Variants in TSHZ3 observed in about 807,000 individuals in gnomAD.
The protein encoded by TSHZ3 is teashirt homolog 3.
In TSHZ3, 10 loss-of-function variants were observed where a neutral mutation model predicts 64.5. That is an observed-to-expected ratio of 0.16 (90% CI 0.10 to 0.26). TSHZ3 has a LOEUF of 0.26. Ranked by LOEUF, TSHZ3 falls within the 10% of genes least tolerant of loss-of-function variation. The pLI, the probability that TSHZ3 is intolerant of heterozygous loss-of-function variation, is 1.00. For missense variants in TSHZ3, 1,242 were observed against 1,421.7 expected, an observed-to-expected ratio of 0.87 and a Z score of 2.03; for synonymous variants, 608 against 593.1, an observed-to-expected ratio of 1.03 and a Z score of -0.36.
At chr19:31,263,463 G>A (rs1166674378) in intron 1 of TSHZ3, among the ~76,000 whole-genome samples, 1 of 152,184 alleles carries the variant, frequency 6.6e-6, no homozygotes, top group African/African-American at 2.4e-5. Context: ...CAGCGAGCAC[G>A]AGGAGCTGCG....
intron 5 of TSHZ3, among the ~76,000 whole-genome samples, chr19:31,165,287 T>C (rs1464521006): frequency 2.6e-5 from 4 of 152,230 alleles, no homozygotes; most frequent in Non-Finnish European, 5.9e-5. Context: ...TGGCCTGAAC[T>C]TCAGGTGACC....
chr19:31,199,125 G>A (rs1419531839), intron 5 of TSHZ3, among the ~76,000 whole-genome samples: 1 of 152,076 alleles, frequency 6.6e-6, no homozygotes, highest in Admixed American at 6.6e-5. Flanking sequence ...TATAGTCAGG[G>A]CCACGCACGG....
chr19:31,302,391 A>G (rs1976770735), intron 1 of TSHZ3, among the ~76,000 whole-genome samples: 2 of 152,216 alleles, frequency 1.3e-5, no homozygotes, highest in South Asian at 4.1e-4. Context: ...TAAGAAATGC[A>G]CCATACATGC....
intron 1 of TSHZ3, among the ~76,000 whole-genome samples, chr19:31,261,235 A>G (rs1975979981): frequency 6.6e-6 from 1 of 152,220 alleles, no homozygotes; most frequent in Non-Finnish European, 1.5e-5. Context: ...GCCCTCTGCC[A>G]GCCACTGAAC....
At chr19:31,207,242 C>T (rs564915384) in intron 4 of TSHZ3, among the ~76,000 whole-genome samples, 1 of 152,284 alleles carries the variant, frequency 6.6e-6, no homozygotes, top group East Asian at 1.9e-4. Flanking sequence ...CTTTACAATG[C>T]TGATTAAAAT....
chr19:31,326,387 C>T (rs756675852), intron 1 of TSHZ3, among the ~76,000 whole-genome samples: 2 of 152,214 alleles, frequency 1.3e-5, no homozygotes, highest in Non-Finnish European at 1.5e-5. Context: ...TAAAGAATGA[C>T]AATGCATCCA....
At chr19:31,311,318 C>T (rs1916453233) in intron 1 of TSHZ3, among the ~76,000 whole-genome samples, 1 of 152,194 alleles carries the variant, frequency 6.6e-6, no homozygotes, top group Non-Finnish European at 1.5e-5. Context: ...CACTCACCCC[C>T]AACAAATCCT....
intron 1 of TSHZ3, among the ~76,000 whole-genome samples, chr19:31,261,726 C>G (rs772212106): frequency 1.3e-5 from 2 of 152,156 alleles, no homozygotes. Flanking sequence ...GGGTTTCCTG[C>G]TTACAGAAAC....
At chr19:31,169,586 G>A (rs138022719) in intron 5 of TSHZ3, among the ~76,000 whole-genome samples, 31 of 152,254 alleles carry the variant, frequency 2.0e-4, no homozygotes, top group African/African-American at 7.2e-4. Flanking sequence ...ATACCACTGA[G>A]TTGTACACTT....
chr19:31,206,116 G>C lies in TSHZ3; in HGVS notation n.687-1038C>G, dbSNP rs905894417. On this transcript the variant is annotated intron_variant and non_coding_transcript_variant, in intron 4 of 6. Transcript: ENST00000651361. Reference sequence around the variant, plus strand: ...GGATGGATGGATGGATGGATGGATGGATGGATGGATGGATAAATGAATGGA... The same window carrying C: ...GGATGGATGGATGGATGGATGGATGCATGGATGGATGGATAAATGAATGGA... Among the ~76,000 whole-genome samples, 38 of 149,940 alleles carry C rather than the reference G, an allele frequency of 2.5e-4. No individual in the cohort carries two copies. In the East Asian group the frequency reaches 4.3e-3, roughly 17 times the overall value.
intron 5 of TSHZ3, among the ~76,000 whole-genome samples, chr19:31,159,149 A>G (rs562525765): frequency 1.2e-3 from 185 of 152,198 alleles, no homozygotes; most frequent in African/African-American, 4.3e-3. Context: ...ACAGGCACCC[A>G]TCACCACACC....
At chr19:31,184,680 G>T (rs1974775113) in intron 5 of TSHZ3, among the ~76,000 whole-genome samples, 2 of 152,258 alleles carry the variant, frequency 1.3e-5, no homozygotes, top group South Asian at 4.1e-4. Context: ...GAATTAACAG[G>T]AGCACTTTGC....
intron 1 of TSHZ3, among the ~76,000 whole-genome samples, chr19:31,291,621 C>T (rs1012336457): frequency 2.6e-5 from 4 of 152,194 alleles, no homozygotes; most frequent in Non-Finnish European, 4.4e-5. Flanking sequence ...AAAACCACTG[C>T]CTCAGACAAA....
At chr19:31,313,283 T>C (rs1441332803) in intron 1 of TSHZ3, among the ~76,000 whole-genome samples, 1 of 152,132 alleles carries the variant, frequency 6.6e-6, no homozygotes, top group East Asian at 1.9e-4. Flanking sequence ...TTGGAGGAGG[T>C]AGTGGTTATT....
At chr19:31,222,473 G>T (rs1347669212) in intron 4 of TSHZ3, among the ~76,000 whole-genome samples, 1 of 152,192 alleles carries the variant, frequency 6.6e-6, no homozygotes, top group Admixed American at 6.6e-5. Flanking sequence ...AACTTTCAAA[G>T]GCTCTAGAGT....
chr19:31,239,022 G>A (rs1399125107), intron 3 of TSHZ3, among the ~76,000 whole-genome samples: 1 of 151,360 alleles, frequency 6.6e-6, no homozygotes, highest in Non-Finnish European at 1.5e-5. Context: ...TCTCTTTTTT[G>A]TACTTAATTT....
chr19:31,299,378 CAAACTATGCAAGGTAGAT>C lies in TSHZ3; in HGVS notation c.41-19644_41-19627del, dbSNP rs1457515832. Reference sequence around the variant, plus strand: ...CTCCCTTGGAGGGCACGGGGAGACACAAACTATGCAAGGTAGATAAAGCAAGAAATGTCACACGTGTAG... The same window carrying C: ...CTCCCTTGGAGGGCACGGGGAGACACAAAGCAAGAAATGTCACACGTGTAG... On this transcript the variant is annotated intron_variant, in intron 1 of 1. Transcript: ENST00000240587. Among the ~76,000 whole-genome samples, 18 of 152,262 alleles carry C rather than the reference CAAACTATGCAAGGTAGAT, an allele frequency of 1.2e-4. No individual in the cohort carries two copies. The East Asian group carries it at 3.5e-3, about 29-fold the overall frequency.
downstream of TSHZ3, among the ~76,000 whole-genome samples, chr19:31,271,030 A>G (rs1448391736): frequency 1.3e-5 from 2 of 152,214 alleles, no homozygotes; most frequent in Admixed American, 1.3e-4. Context: ...CTGAGCCTCC[A>G]GAAGCCGTGG....
intron 1 of TSHZ3, among the ~76,000 whole-genome samples, chr19:31,345,710 T>C (rs1353497793): frequency 6.6e-6 from 1 of 152,044 alleles, no homozygotes; most frequent in Non-Finnish European, 1.5e-5. Flanking sequence ...TTTGGAAGCA[T>C]AAGAAATGGT....
Sources: gnomAD v4.1 joint callset for allele counts (sites outside exome capture counted in the v4.1 genomes callset) on GRCh38, gnomAD v4.1.1 for gene constraint, MANE v1.5 for transcripts, NCBI Gene and HGNC (gene_info 2026-07-23, HGNC 2026-07-21) for gene names.